Variants in WDR19 observed in about 807,000 individuals in gnomAD.
The protein encoded by WDR19 is WD repeat domain 19.
A neutral mutation model predicts 180.0 loss-of-function variants in WDR19; 121 were observed. The ratio of observed to expected loss-of-function variants is 0.67; its 90% CI spans 0.58 to 0.78. The LOEUF (loss-of-function observed/expected upper bound fraction) is 0.78. Ranked by LOEUF, WDR19 falls within the 30% of genes least tolerant of loss-of-function variation. The pLI, the probability that WDR19 is intolerant of heterozygous loss-of-function variation, is 0.00. For missense variants in WDR19, 1,450 were observed against 1,640.7 expected (o/e 0.88, Z 2.01); for synonymous variants, 497 against 540.7 (o/e 0.92, Z 1.12).
At chr4:39,219,814 G>T (rs980261630) in intron 14 of WDR19, among the ~76,000 whole-genome samples, 9 of 152,134 alleles carry the variant, frequency 5.9e-5, no homozygotes, top group African/African-American at 2.2e-4. Flanking sequence ...ACTAGTTATA[G>T]CATCTTATAT....
rs998142201 is a variant in WDR19 at position 39,273,049 on chromosome 4, A to C, written c.3553A>C (p.Lys1185Gln). Residue 1185 changes from lysine to glutamine, a missense_variant, in exon 32 of 37, where the codon AAA becomes CAA. Physicochemically the swap from Lys to Gln is moderately conservative, Grantham distance 53 (BLOSUM62 1). Coordinates refer to ENST00000399820, the MANE Select transcript of WDR19 (RefSeq NM_025132.4). ...CATTCGGGTGGCCAACAACATCAGC[A>C]AATTTCCATCACGTAAGTACCACTG... ...MLIRVANNIS[K>Q]FPSHIVPILT... The C allele has an allele frequency of 3.9e-5, 62 of 1,604,522 alleles. No individual in the cohort carries two copies. Among genetic ancestry groups the C allele is most frequent in the Non-Finnish European group, 4.9e-5 (58 of 1,175,718 alleles).
At chr4:39,281,228 T>TAGAGAG (rs1437561762) in intron 36 of WDR19, among the ~76,000 whole-genome samples, 1 of 98,786 alleles carries the variant, frequency 1.0e-5, no homozygotes, top group East Asian at 2.5e-4. Context: ...TATATATATA[T>TAGAGAG]ATATATATAG....
At chr4:39,239,132 C>T (rs1731653711) in intron 20 of WDR19, among the ~76,000 whole-genome samples, 1 of 152,058 alleles carries the variant, frequency 6.6e-6, no homozygotes, top group Non-Finnish European at 1.5e-5. Flanking sequence ...CGCATGCCAC[C>T]ACACCCGGCT....
At chr4:39,216,963 A>G (rs958218607) in intron 12 of WDR19, among the ~76,000 whole-genome samples, 171 bp from the exon 13 acceptor site, 16 of 152,380 alleles carry the variant, frequency 1.1e-4, no homozygotes, top group Admixed American at 2.0e-4. Context: ...CTAAGATTAA[A>G]ATGAAATTTA....
Position 39,278,206 on chromosome 4 carries a change from A to ATG in WDR19, c.3917+1_3917+2dup. 2 of 1,600,766 alleles carry ATG rather than the reference A, an allele frequency of 1.2e-6. No homozygotes were observed. The highest frequency in any genetic ancestry group is 1.7e-6 in the Non-Finnish European group (2 of 1,173,996). On this transcript the variant is annotated frameshift_variant and splice_region_variant, in exon 35 of 37. Transcript: ENST00000399820. LOFTEE classifies it high-confidence loss of function. Reference sequence around the variant, plus strand: ...CCCTGCTCTATACTCAGAATTGAAGATGTAAGTGTGCATCACGTCACTCAG... The same window carrying ATG: ...CCCTGCTCTATACTCAGAATTGAAGATGTGTAAGTGTGCATCACGTCACTCAG...
In WDR19 at chr4:39,272,969, A is replaced by G; in HGVS notation, c.3484-11A>G. 3 of 1,583,480 alleles carry G rather than the reference A, an allele frequency of 1.9e-6. No individual in the cohort carries two copies. Among genetic ancestry groups the G allele is most frequent in the South Asian group, 1.2e-5 (1 of 85,784 alleles). On this transcript the variant is annotated splice_polypyrimidine_tract_variant and intron_variant, in intron 31 of 36. Transcript: ENST00000399820. ...GACTATAAGAAGAGTAAAATATGTCATTTGTTTCAGATTCATGTTAAAAAT... is the reference window on the plus strand; with the variant it reads ...GACTATAAGAAGAGTAAAATATGTCGTTTGTTTCAGATTCATGTTAAAAAT...
chr4:39,232,120 C>G (rs750231562), intron 18 of WDR19, 42 bp from the exon 19 acceptor site: 1 of 1,510,628 alleles, frequency 6.6e-7, no homozygotes, highest in Non-Finnish European at 9.1e-7. Context: ...AAAAGTTAAA[C>G]TCTTGCATTT....
chr4:39,201,960 T>G (rs894386038), intron 6 of WDR19, among the ~76,000 whole-genome samples: 6 of 152,346 alleles, frequency 3.9e-5, no homozygotes, highest in Admixed American at 3.9e-4. Flanking sequence ...TTGTTTTAAC[T>G]TTGGCATTCT....
At chr4:39,267,922 A>G (rs1734970047) in intron 29 of WDR19, 73 bp from the exon 30 acceptor site, 2 of 1,329,116 alleles carry the variant, frequency 1.5e-6, no homozygotes, top group Non-Finnish European at 2.1e-6. Context: ...TGTGATTCTA[A>G]CTGCAATACA....
At position 39,228,542 on chromosome 4, in the gene WDR19, C is replaced by T. The variant is rs760460310; in HGVS notation, c.1834C>T (p.Leu612=). ...TKVPFAHKPL[L]LYNGELTCQT... is the part of the protein sequence containing the mutation. ...AGTTCCTTTTGCTCATAAACCTTTG[C>T]TGCTATATAATGGAGAGCTGACCTG... The change falls in exon 17 of 37, where the codon CTG becomes TTG. Residue 612 remains leucine (L), a synonymous_variant. Coordinates refer to ENST00000399820, the MANE Select transcript of WDR19 (RefSeq NM_025132.4). 1.9e-6 allele frequency: 3 copies of T among 1,613,762 alleles called. No individual in the cohort carries two copies. The highest frequency in any genetic ancestry group is 2.5e-6 in the Non-Finnish European group (3 of 1,179,826).
intron 24 of WDR19, among the ~76,000 whole-genome samples, chr4:39,247,440 CAG>C (rs1732650841): frequency 6.6e-6 from 1 of 152,172 alleles, no homozygotes; most frequent in Non-Finnish European, 1.5e-5. Context: ...CTCTAAAAAT[CAG>C]AGCGCCTCTC....
intron 20 of WDR19, among the ~76,000 whole-genome samples, chr4:39,235,223 C>T (rs776992979): frequency 3.3e-5 from 5 of 151,998 alleles, no homozygotes; most frequent in Admixed American, 6.6e-5. Context: ...AACTCCTGTG[C>T]TCACGTGATC....
At chr4:39,279,207 A>G (rs1001071112) in intron 36 of WDR19, among the ~76,000 whole-genome samples, 13 of 152,364 alleles carry the variant, frequency 8.5e-5, no homozygotes, top group African/African-American at 2.6e-4. Context: ...AACTCAGGAT[A>G]TTCTTTTACC....
chr4:39,245,348 C>T (rs781354691), intron 23 of WDR19, 21 bp from the exon 24 acceptor site: 1 of 1,605,992 alleles, frequency 6.2e-7, no homozygotes, highest in Non-Finnish European at 8.5e-7. Flanking sequence ...TCATACTGTT[C>T]TCCTGGACCT....
At chr4:39,208,196 TAAAAG>T (rs1212207879) in intron 9 of WDR19, among the ~76,000 whole-genome samples, 1 of 149,240 alleles carries the variant, frequency 6.7e-6, no homozygotes, top group African/African-American at 2.5e-5. Flanking sequence ...TAAAAACAAA[TAAAAG>T]AGAGAACAAA....
chr4:39,261,360 A>G (rs1009523395), intron 28 of WDR19, among the ~76,000 whole-genome samples: 2 of 152,052 alleles, frequency 1.3e-5, no homozygotes, highest in African/African-American at 4.8e-5. Flanking sequence ...TCAATCTATG[A>G]TAAGCTTTCC....
rs150649460 is a variant in WDR19, at chr4:39,228,623, A to G, written c.1915A>G (p.Ser639Gly). 3.9e-4 allele frequency: 634 copies of G among 1,613,300 alleles called. 3 individuals carry two copies. The African/African-American group carries it at 7.6e-3, about 19-fold the overall frequency. The change falls in exon 17 of 37, where the codon AGC (serine) becomes GGC (glycine). Residue 639 changes from serine to glycine, a missense_variant. Physicochemically the swap from Ser to Gly is moderately conservative, Grantham distance 56 (BLOSUM62 0). Coordinates refer to ENST00000399820, the MANE Select transcript of WDR19 (RefSeq NM_025132.4). Reference protein sequence around the residue: ...NIYLSTHGFLSNLKDTGPDEL... With the variant: ...NIYLSTHGFLGNLKDTGPDEL... ...CTACCTTAGCACCCATGGCTTTCTC[A>G]GCAACTTAAAAGATACGGGGCCTGA...
chr4:39,189,794 T>C lies in WDR19; in HGVS notation c.290+13T>C, dbSNP rs1028656049. 6.3e-7 allele frequency: 1 copy of C among 1,586,546 alleles called. No homozygotes were observed. Among genetic ancestry groups the C allele is most frequent in the East Asian group, 2.3e-5 (1 of 43,960 alleles). ...ACAATGGCATGAGGTAAGATAACTT[T>C]TTAATTTTTTAAAGCTTCACTTAGA... On this transcript the variant is annotated intron_variant, in intron 4 of 36. Transcript: ENST00000399820.
rs991237915 is a variant in WDR19 at position 39,274,735 on chromosome 4, G to A, written c.3566-73G>A. 19 of 1,546,908 alleles carry A rather than the reference G, an allele frequency of 1.2e-5. No individual in the cohort carries two copies. In the African/African-American group the frequency reaches 2.5e-4, roughly 20 times the overall value. ...ATGACCCTGTTTTCCTACAGAACCA[G>A]GGTGGAATCCCGCCTGTATCACTGA... On this transcript the variant is annotated intron_variant, in intron 32 of 36. Transcript: ENST00000399820.
Sources: gnomAD v4.1 joint callset for allele counts (sites outside exome capture counted in the v4.1 genomes callset) on GRCh38, gnomAD v4.1.1 for gene constraint, MANE v1.5 for transcripts, NCBI Gene and HGNC (gene_info 2026-07-23, HGNC 2026-07-21) for gene names.